SORCS1: variants seen among roughly 807,000 people sequenced by gnomAD.
SORCS1 encodes the protein sortilin related VPS10 domain containing receptor 1.
SORCS1 carries 60 observed loss-of-function variants against 146.1 expected under a neutral mutation model. The ratio of observed to expected loss-of-function variants is 0.41; its 90% confidence interval spans 0.33 to 0.51. SORCS1 has a LOEUF of 0.51. Among genes scored for constraint, SORCS1 ranks in the 20% least tolerant of loss-of-function variants. The pLI, the probability that SORCS1 is intolerant of heterozygous loss-of-function variation, is 0.21. For missense variants in SORCS1, 1,352 were observed against 1,487.6 expected, an observed-to-expected ratio of 0.91 and a Z score of 1.50; for synonymous variants, 637 against 584.0, an observed-to-expected ratio of 1.09 and a Z score of -1.31.
At chr10:106,920,016 C>G (rs75687247) in intron 2 of SORCS1, among the ~76,000 whole-genome samples, 3 of 152,230 alleles carry the variant, frequency 2.0e-5, no homozygotes, top group South Asian at 2.1e-4. Context: ...TTGCTGATGA[C>G]GATAGAAAGG....
chr10:107,119,144 G>C (rs752180780), intron 1 of SORCS1, among the ~76,000 whole-genome samples: 4 of 152,142 alleles, frequency 2.6e-5, no homozygotes, highest in Non-Finnish European at 5.9e-5. Flanking sequence ...TGGTAATATA[G>C]GAAGTGAAAG....
intron 2 of SORCS1, among the ~76,000 whole-genome samples, chr10:106,934,158 C>T (rs1262718072): frequency 1.3e-5 from 2 of 150,442 alleles, no homozygotes; most frequent in South Asian, 2.1e-4. Context: ...TAGACATTGG[C>T]GTGGATGTGG....
intron 1 of SORCS1, among the ~76,000 whole-genome samples, chr10:107,045,218 A>ATAAGCTATAAGCTCAGTGTTTGATG (rs1959266116): frequency 6.6e-6 from 1 of 152,168 alleles, no homozygotes; most frequent in Admixed American, 6.5e-5. Flanking sequence ...TGTGCATAAG[A>ATAAGCTATAAGCTCAGTGTTTGATG]TTTACATACA....
intron 1 of SORCS1, among the ~76,000 whole-genome samples, chr10:107,143,636 T>C (rs1694266073): frequency 6.6e-6 from 1 of 152,146 alleles, no homozygotes; most frequent in African/African-American, 2.4e-5. Flanking sequence ...CCTGAGTAGC[T>C]GGGATTACAG....
intron 2 of SORCS1, among the ~76,000 whole-genome samples, chr10:106,941,741 T>C (rs1954053223): frequency 6.6e-6 from 1 of 152,212 alleles, no homozygotes; most frequent in Admixed American, 6.5e-5. Flanking sequence ...AATTTTGGAA[T>C]GGGCTTCAGA....
In SORCS1 at chr10:106,612,363, CT is replaced by C. The variant is rs1378531485; in HGVS notation, c.2921-341del. On this transcript the variant is annotated intron_variant, in intron 21 of 25. Coordinates refer to ENST00000263054, the MANE Select transcript of SORCS1 (RefSeq NM_052918.5). Reference sequence around the variant, plus strand: ...CCCCCTTCCCCCCTTCTCCTTTCCTCTGTCTCCCCCTTTCCCCCTTTTCTCC... The same window carrying C: ...CCCCCTTCCCCCCTTCTCCTTTCCTCGTCTCCCCCTTTCCCCCTTTTCTCC... Among the ~76,000 whole-genome samples, 11 of 136,800 alleles carry C rather than the reference CT, an allele frequency of 8.0e-5. No individual in the cohort carries two copies. In the South Asian group the frequency reaches 1.1e-3, roughly 14 times the overall value. The allele number at this position is 136,800 out of a possible 152,430, so 89.7% of individuals were successfully genotyped here.
chr10:106,777,169 G>A (rs1216443158), intron 3 of SORCS1, among the ~76,000 whole-genome samples: 2 of 152,048 alleles, frequency 1.3e-5, no homozygotes, highest in African/African-American at 4.8e-5. Context: ...GATTTCCTAC[G>A]CCATCCAAAC....
chr10:106,902,968 C>T (rs905435748), intron 2 of SORCS1, among the ~76,000 whole-genome samples: 4 of 152,182 alleles, frequency 2.6e-5, no homozygotes, highest in African/African-American at 9.7e-5. Context: ...ATCCCAGCTA[C>T]TCAGGAGGCT....
intron 1 of SORCS1, among the ~76,000 whole-genome samples, chr10:107,160,112 T>C (rs1969590272): frequency 6.6e-6 from 1 of 152,200 alleles, no homozygotes. Flanking sequence ...CACATGTTAA[T>C]GTCCTCGCTT....
chr10:106,608,062 T>C (rs1417961433), intron 22 of SORCS1, among the ~76,000 whole-genome samples: 1 of 152,242 alleles, frequency 6.6e-6, no homozygotes, highest in Non-Finnish European at 1.5e-5. Context: ...TTCCCCTGAA[T>C]CCTCTCTCTA....
In SORCS1 at chr10:107,005,126, C is replaced by T. The variant is rs567631266; in HGVS notation, c.559-48546G>A. ...TAATTGAGATATGGTCAAAGATCTC[C>T]GCATAAGGGAATCCCATCACGGCAT... is the stretch of plus-strand genomic sequence containing the variant. On this transcript the variant is annotated intron_variant, in intron 1 of 25. Coordinates refer to ENST00000263054, the MANE Select transcript of SORCS1 (RefSeq NM_052918.5). Among the ~76,000 whole-genome samples, 11 of 152,196 alleles carry T rather than the reference C, an allele frequency of 7.2e-5. 1 individual carries two copies. Among genetic ancestry groups the T allele is most frequent in the African/African-American group, 2.4e-4 (10 of 41,512 alleles).
chr10:107,086,277 A>G (rs1818886378), intron 1 of SORCS1, among the ~76,000 whole-genome samples: 1 of 152,220 alleles, frequency 6.6e-6, no homozygotes, highest in African/African-American at 2.4e-5. Context: ...TCCACTTCTC[A>G]AAGCTTGGAA....
intron 4 of SORCS1, among the ~76,000 whole-genome samples, chr10:106,763,279 T>C (rs977434170): frequency 2.6e-5 from 4 of 152,142 alleles, no homozygotes; most frequent in East Asian, 3.9e-4. Flanking sequence ...CTGTGAGGAA[T>C]TGTTGGGCGC....
At chr10:106,891,501 A>ATTTTTTTTTTTTTTTTTT (rs562213104) in intron 2 of SORCS1, among the ~76,000 whole-genome samples, 10 of 74,050 alleles carry the variant, frequency 1.4e-4, no homozygotes, top group African/African-American at 4.8e-4. Flanking sequence ...TTCAATGGGA[A>ATTTTTTTTTTTTTTTTTT]TTCTTTTTTT....
At chr10:106,641,139 T>G (rs2133676359) in intron 18 of SORCS1, among the ~76,000 whole-genome samples, 1 of 152,300 alleles carries the variant, frequency 6.6e-6, no homozygotes, top group South Asian at 2.1e-4. Context: ...CAGGTGGTAT[T>G]GATGACATTG....
intron 2 of SORCS1, among the ~76,000 whole-genome samples, chr10:106,883,256 G>T (rs1278728316): frequency 6.6e-6 from 1 of 152,058 alleles, no homozygotes; most frequent in East Asian, 1.9e-4. Flanking sequence ...TGACGGGTGA[G>T]GTTTATAAGT....
intron 1 of SORCS1, among the ~76,000 whole-genome samples, chr10:107,071,527 G>C (rs1962426052): frequency 6.6e-6 from 1 of 152,162 alleles, no homozygotes; most frequent in South Asian, 2.1e-4. Flanking sequence ...TGTGAATAAG[G>C]ATGTCCTCCT....
intron 9 of SORCS1, among the ~76,000 whole-genome samples, chr10:106,690,723 G>A (rs904821242): frequency 1.3e-5 from 2 of 152,176 alleles, no homozygotes; most frequent in African/African-American, 4.8e-5. Flanking sequence ...TGCAGCCAAG[G>A]CACTTTGTCC....
intron 6 of SORCS1, among the ~76,000 whole-genome samples, chr10:106,721,586 T>C (rs1226426521): frequency 1.3e-5 from 2 of 152,246 alleles, no homozygotes; most frequent in Non-Finnish European, 2.9e-5. Context: ...TTGAAAAGTC[T>C]TTGATAATGT....
Sources: allele counts gnomAD v4.1 joint callset (sites outside exome capture counted in the v4.1 genomes callset), GRCh38; gene constraint gnomAD v4.1.1; transcripts MANE v1.5; gene names NCBI Gene and HGNC (gene_info 2026-07-23, HGNC 2026-07-21).